Variants in ZNF385D observed in about 807,000 individuals in gnomAD.
ZNF385D encodes the protein zinc finger protein 659.
In ZNF385D, 15 loss-of-function variants were observed where a neutral mutation model predicts 35.8. The ratio of observed to expected loss-of-function variants is 0.42; its 90% CI spans 0.28 to 0.64. The LOEUF (loss-of-function observed/expected upper bound fraction) is 0.64. ZNF385D is among the 30% of genes least tolerant of loss of function. ZNF385D has a pLI of 0.23. For missense variants in ZNF385D, 474 were observed against 494.6 expected (o/e 0.96, Z 0.39); for synonymous variants, 212 against 186.8 (o/e 1.13, Z -1.10).
rs180835993 is a variant in ZNF385D at position 21,584,884 on chromosome 3, A to G, written c.166-20200T>C. On this transcript the variant is annotated intron_variant, in intron 2 of 7. Transcript: ENST00000281523. ...CTATTCCATGCACTTCATGTACCCT[A>G]TGGTTTCTAGAAATATTTAAAGCTT... Among the ~76,000 whole-genome samples the G allele has an allele frequency of 2.1e-3, 314 of 152,110 alleles. 1 individual carries two copies. Among genetic ancestry groups the G allele is most frequent in the Middle Eastern group, 6.8e-3 (2 of 294 alleles).
At chr3:22,304,449 G>C (rs1436580076) in intron 2 of ZNF385D, among the ~76,000 whole-genome samples, 1 of 152,070 alleles carries the variant, frequency 6.6e-6, no homozygotes, top group South Asian at 2.1e-4. Context: ...AAAATTGTAA[G>C]GTATATTAGA....
chr3:21,978,619 A>G (rs1363316126), intron 3 of ZNF385D, among the ~76,000 whole-genome samples: 1 of 152,192 alleles, frequency 6.6e-6, no homozygotes, highest in Non-Finnish European at 1.5e-5. Flanking sequence ...ATTAGTAAAA[A>G]TTTCCATATG....
intron 3 of ZNF385D, among the ~76,000 whole-genome samples, chr3:21,781,953 C>G (rs965248922): frequency 2.0e-5 from 3 of 152,058 alleles, no homozygotes; most frequent in Admixed American, 1.3e-4. Flanking sequence ...ACTCCTCAAG[C>G]TGATAAAAAT....
rs1216855266 is a variant in ZNF385D, at chr3:21,839,217, CA to C, written c.326-174190del. 1.3e-4 allele frequency among the ~76,000 whole-genome samples: 20 copies of C among 152,060 alleles called. No individual in the cohort carries two copies. In the South Asian group the frequency reaches 2.1e-3, roughly 16 times the overall value. On this transcript the variant is annotated intron_variant, in intron 3 of 5. Transcript: ENST00000494108. The stretch of plus-strand genomic sequence containing the variant: ...CTAGTCACTTCCATTTTTTTGGTAA[CA>C]TTTTTTTAGTATCATCACATAATTT...
At chr3:22,112,636 A>G (rs1021496086) in intron 3 of ZNF385D, among the ~76,000 whole-genome samples, 1 of 152,126 alleles carries the variant, frequency 6.6e-6, no homozygotes, top group African/African-American at 2.4e-5. Context: ...TTCTTTATAG[A>G]TAAATAAGGG....
intron 3 of ZNF385D, among the ~76,000 whole-genome samples, chr3:21,905,028 T>A (rs1699603302): frequency 1.3e-5 from 2 of 151,910 alleles, no homozygotes; most frequent in Non-Finnish European, 2.9e-5. Flanking sequence ...ACAAAAAATC[T>A]ATAATAGATT....
chr3:21,762,336 T>C (rs1411174319), intron 3 of ZNF385D, among the ~76,000 whole-genome samples: 1 of 152,284 alleles, frequency 6.6e-6, no homozygotes, highest in East Asian at 1.9e-4. Flanking sequence ...ATACCATTTC[T>C]CTATGCCTGG....
At chr3:21,644,673 T>A (rs980934702) in intron 2 of ZNF385D, among the ~76,000 whole-genome samples, 17 of 152,166 alleles carry the variant, frequency 1.1e-4, no homozygotes, top group African/African-American at 3.9e-4. Flanking sequence ...CAATTAAAAT[T>A]GTATCTTTAC....
At chr3:21,856,258 C>G (rs1173816733) in intron 3 of ZNF385D, among the ~76,000 whole-genome samples, 6 of 151,970 alleles carry the variant, frequency 3.9e-5, no homozygotes, top group Non-Finnish European at 5.9e-5. Flanking sequence ...ATTTCAACAA[C>G]TAAAGTGCAG....
chr3:22,185,064 T>A (rs17689311), intron 2 of ZNF385D, among the ~76,000 whole-genome samples: 1 of 152,160 alleles, frequency 6.6e-6, no homozygotes, highest in Non-Finnish European at 1.5e-5. Flanking sequence ...ACATTGGATA[T>A]TGTTATTTAC....
chr3:21,470,903 ATTTCAAC>A (rs1703840143), intron 4 of ZNF385D, among the ~76,000 whole-genome samples: 1 of 152,150 alleles, frequency 6.6e-6, no homozygotes, highest in African/African-American at 2.4e-5. Context: ...TTGCTACTGC[ATTTCAAC>A]AAAATGGTGC....
intron 3 of ZNF385D, among the ~76,000 whole-genome samples, chr3:21,526,776 A>C (rs2059400): frequency 1.3e-5 from 2 of 152,008 alleles, no homozygotes; most frequent in African/African-American, 4.8e-5. Flanking sequence ...GATTTTGGAA[A>C]GGAAATAAAG....
chr3:22,106,997 T>C (rs961184844), intron 3 of ZNF385D, among the ~76,000 whole-genome samples: 4 of 149,458 alleles, frequency 2.7e-5, no homozygotes, highest in Admixed American at 6.7e-5. Flanking sequence ...AGCCAACTTA[T>C]CTATTTATGC....
At chr3:21,730,126 T>G (rs1396211781) in intron 1 of ZNF385D, among the ~76,000 whole-genome samples, 3 of 152,218 alleles carry the variant, frequency 2.0e-5, no homozygotes, top group East Asian at 3.8e-4. Flanking sequence ...ATCCAGGGAT[T>G]TGACCATGGT....
chr3:21,721,524 T>C (rs2125449838), intron 1 of ZNF385D, among the ~76,000 whole-genome samples: 1 of 152,196 alleles, frequency 6.6e-6, no homozygotes, highest in South Asian at 2.1e-4. Flanking sequence ...TTTTTTTGCT[T>C]TGAGTTTCTT....
chr3:22,313,887 A>C (rs561760603), intron 2 of ZNF385D, among the ~76,000 whole-genome samples: 10 of 152,150 alleles, frequency 6.6e-5, no homozygotes, highest in African/African-American at 1.9e-4. Flanking sequence ...TCAGGACCCT[A>C]CCTCTTCTAT....
chr3:21,842,656 C>T (rs543785807), intron 3 of ZNF385D, among the ~76,000 whole-genome samples: 1 of 152,066 alleles, frequency 6.6e-6, no homozygotes, highest in Admixed American at 6.6e-5. Context: ...AGTTGTAAAA[C>T]TCTGTAAGTG....
intron 3 of ZNF385D, among the ~76,000 whole-genome samples, chr3:21,866,325 G>A (rs559445287): frequency 6.8e-4 from 103 of 152,074 alleles, no homozygotes; most frequent in African/African-American, 2.2e-3. Context: ...ATGGTGGCGT[G>A]CACCTGTAAT....
At chr3:22,096,985 C>G (rs1576313591) in intron 3 of ZNF385D, among the ~76,000 whole-genome samples, 1 of 152,140 alleles carries the variant, frequency 6.6e-6, no homozygotes, top group African/African-American at 2.4e-5. Flanking sequence ...GGATATTCAC[C>G]CTTGGAACTC....
Sources: gnomAD v4.1 joint callset for allele counts (sites outside exome capture counted in the v4.1 genomes callset) on GRCh38, gnomAD v4.1.1 for gene constraint, MANE v1.5 for transcripts, NCBI Gene and HGNC (gene_info 2026-07-23, HGNC 2026-07-21) for gene names.